CAMK1D: variants seen among roughly 807,000 people sequenced by gnomAD.
CAMK1D encodes calcium/calmodulin-dependent protein kinase type 1D.
In CAMK1D, 9 loss-of-function variants were observed where a neutral mutation model predicts 47.7. The ratio of observed to expected loss-of-function variants is 0.19; its 90% confidence interval spans 0.11 to 0.33. CAMK1D has a LOEUF of 0.33. Ranked by LOEUF, CAMK1D falls within the 10% of genes least tolerant of loss-of-function variation. CAMK1D has a pLI of 1.00. For synonymous variants in CAMK1D, 184 were observed against 184.9 expected (o/e 0.99, Z 0.04); for missense variants, 291 against 488.7 (o/e 0.60, Z 3.81).
At chr10:12,602,361 C>T (rs1028390956) in intron 2 of CAMK1D, among the ~76,000 whole-genome samples, 5 of 152,106 alleles carry the variant, frequency 3.3e-5, no homozygotes, top group African/African-American at 4.8e-5. Context: ...CCACAGCACC[C>T]GATCCCCACT....
At chr10:12,697,029 A>T (rs1833325007) in intron 3 of CAMK1D, among the ~76,000 whole-genome samples, 1 of 152,174 alleles carries the variant, frequency 6.6e-6, no homozygotes, top group Non-Finnish European at 1.5e-5. Flanking sequence ...GAAAAAAATG[A>T]CACTAAATTC....
intron 1 of CAMK1D, among the ~76,000 whole-genome samples, chr10:12,547,321 G>C (rs1836410564): frequency 6.6e-6 from 1 of 152,228 alleles, no homozygotes. Context: ...TGGTGGTGGA[G>C]GAAGAAGGTC....
chr10:12,597,285 A>G (rs1193551756), intron 2 of CAMK1D, among the ~76,000 whole-genome samples: 4 of 152,166 alleles, frequency 2.6e-5, no homozygotes, highest in African/African-American at 9.6e-5. Context: ...AGCATCCATC[A>G]CCCCCTTGGG....
intron 1 of CAMK1D, among the ~76,000 whole-genome samples, chr10:12,495,982 T>A (rs2895528): frequency 6.6e-6 from 1 of 151,944 alleles, no homozygotes; most frequent in East Asian, 1.9e-4. Flanking sequence ...TGTGCGCCAC[T>A]GTGCCCTCTA....
At chr10:12,498,300 C>T (rs1367928768) in intron 1 of CAMK1D, among the ~76,000 whole-genome samples, 1 of 152,176 alleles carries the variant, frequency 6.6e-6, no homozygotes, top group Non-Finnish European at 1.5e-5. Flanking sequence ...AACCCTGGAC[C>T]TGGGGCTCCA....
chr10:12,800,289 C>G (rs996921710), intron 6 of CAMK1D, among the ~76,000 whole-genome samples: 1 of 152,210 alleles, frequency 6.6e-6, no homozygotes, highest in Non-Finnish European at 1.5e-5. Flanking sequence ...GTTTTGGTTA[C>G]TAAGTTGGCC....
chr10:12,611,588 C>CTTTTTTTTTTTTT lies in CAMK1D; in HGVS notation c.225-55139_225-55127dup, dbSNP rs71386105. The stretch of plus-strand genomic sequence containing the variant: ...CAGTTCCCTGAATGTTTCAGAATGC[C>CTTTTTTTTTTTTT]TTTTTTTTTTTTTTTTTTTTTGAGA... On this transcript the variant is annotated intron_variant, in intron 2 of 10. Coordinates refer to ENST00000619168, the MANE Select transcript of CAMK1D (RefSeq NM_153498.4). Among the ~76,000 whole-genome samples the CTTTTTTTTTTTTT allele has an allele frequency of 8.5e-4, 51 of 59,948 alleles. 15 individuals carry two copies. The highest frequency in any genetic ancestry group is 1.3e-3 in the Non-Finnish European group (38 of 30,386). 39.3% of individuals were successfully genotyped at this position (59,948 alleles called of 152,430 possible).
At chr10:12,486,446 C>T (rs780788737) in intron 1 of CAMK1D, among the ~76,000 whole-genome samples, 3 of 152,150 alleles carry the variant, frequency 2.0e-5, no homozygotes, top group Non-Finnish European at 2.9e-5. Context: ...GCATGAGCCA[C>T]TGCACCTGGC....
At chr10:12,518,221 T>C (rs1246850467) in intron 1 of CAMK1D, among the ~76,000 whole-genome samples, 2 of 152,238 alleles carry the variant, frequency 1.3e-5, no homozygotes, top group Non-Finnish European at 2.9e-5. Flanking sequence ...TAAAGTTTTA[T>C]TGGAACACAG....
intron 6 of CAMK1D, among the ~76,000 whole-genome samples, chr10:12,804,804 G>C (rs112438711): frequency 0.038 from 5,775 of 150,308 alleles, 404 homozygotes; most frequent in African/African-American, 0.13. Context: ...CCAGTATGGT[G>C]GTGCACGCCT....
chr10:12,502,680 G>A (rs1026553853), intron 1 of CAMK1D, among the ~76,000 whole-genome samples: 5 of 152,214 alleles, frequency 3.3e-5, no homozygotes, highest in African/African-American at 1.2e-4. Flanking sequence ...TTTAGCCATG[G>A]CCACTCTCGT....
At chr10:12,391,680 C>CT (rs1289299009) in intron 1 of CAMK1D, among the ~76,000 whole-genome samples, 1 of 152,078 alleles carries the variant, frequency 6.6e-6, no homozygotes, top group Non-Finnish European at 1.5e-5. Flanking sequence ...TTAAAATGTC[C>CT]TTACAGTACC....
intron 1 of CAMK1D, among the ~76,000 whole-genome samples, chr10:12,350,162 G>T (rs1056821813): frequency 1.5e-4 from 23 of 152,042 alleles, no homozygotes; most frequent in Non-Finnish European, 2.9e-5. Context: ...ACGCGGGCGC[G>T]CGACTTCCCA....
rs1837647929 is a variant in CAMK1D at position 12,784,715 on chromosome 10, C to T, written c.566-6443C>T. 2.6e-5 allele frequency among the ~76,000 whole-genome samples: 4 copies of T among 152,324 alleles called. No homozygotes were observed. In the South Asian group the frequency reaches 6.2e-4, roughly 24 times the overall value. On this transcript the variant is annotated intron_variant, in intron 5 of 10. Coordinates refer to ENST00000619168, the MANE Select transcript of CAMK1D (RefSeq NM_153498.4). Reference sequence around the variant, plus strand: ...AATTCATTTGTTCCCTGCCTCTGCCCGTCCTGTGTTATTTTTTCTTGTACC... The same window carrying T: ...AATTCATTTGTTCCCTGCCTCTGCCTGTCCTGTGTTATTTTTTCTTGTACC...
At chr10:12,574,522 T>A (rs111333573) in intron 2 of CAMK1D, among the ~76,000 whole-genome samples, 5 of 145,826 alleles carry the variant, frequency 3.4e-5, no homozygotes, top group African/African-American at 1.3e-4. Context: ...TTCGCCATGT[T>A]GCCCAGGCTG....
chr10:12,653,847 T>C (rs1840046814), intron 2 of CAMK1D, among the ~76,000 whole-genome samples: 1 of 152,236 alleles, frequency 6.6e-6, no homozygotes, highest in South Asian at 2.1e-4. Flanking sequence ...GTGTTCCTGA[T>C]GCTTCATTAT....
At chr10:12,807,327 G>A (rs975833023) in intron 6 of CAMK1D, among the ~76,000 whole-genome samples, 9 of 152,204 alleles carry the variant, frequency 5.9e-5, no homozygotes, top group Non-Finnish European at 1.0e-4. Flanking sequence ...GAACTGGAAG[G>A]CCTAGCACTG....
intron 1 of CAMK1D, among the ~76,000 whole-genome samples, chr10:12,486,906 C>G (rs981040335): frequency 1.3e-5 from 2 of 152,064 alleles, no homozygotes; most frequent in African/African-American, 4.8e-5. Flanking sequence ...CCACTACACC[C>G]CAGCGTGGGT....
intron 1 of CAMK1D, among the ~76,000 whole-genome samples, chr10:12,537,555 T>C (rs1836016210): frequency 6.6e-6 from 1 of 152,228 alleles, no homozygotes; most frequent in African/African-American, 2.4e-5. Context: ...TTGCGACTGC[T>C]AGTGAGTGTT....
Sources: gnomAD v4.1 joint callset for allele counts (sites outside exome capture counted in the v4.1 genomes callset) on GRCh38, gnomAD v4.1.1 for gene constraint, MANE v1.5 for transcripts, NCBI Gene and HGNC (gene_info 2026-07-23, HGNC 2026-07-21) for gene names.